OSBPL8: variants seen among roughly 807,000 people sequenced by gnomAD.
The protein encoded by OSBPL8 is oxysterol-binding protein-related protein 8.
A neutral mutation model predicts 125.5 loss-of-function variants in OSBPL8; 59 were observed. The ratio of observed to expected loss-of-function variants is 0.47; its 90% CI spans 0.38 to 0.58. The LOEUF is 0.58. Among genes scored for constraint, OSBPL8 ranks in the 20% least tolerant of loss-of-function variants. The pLI, the probability that OSBPL8 is intolerant of heterozygous loss-of-function variation, is 0.00. For synonymous variants in OSBPL8, 330 were observed against 338.9 expected, an observed-to-expected ratio of 0.97 and a Z score of 0.29; for missense variants, 758 against 1,047.8, an observed-to-expected ratio of 0.72 and a Z score of 3.82.
chr12:76,526,555 A>G (rs1332990648), intron 1 of OSBPL8, among the ~76,000 whole-genome samples: 2 of 150,582 alleles, frequency 1.3e-5, no homozygotes. Flanking sequence ...CAAAAGCTGC[A>G]TATTTTCTAA....
rs60074875 is a variant in OSBPL8 at position 76,424,391 on chromosome 12, T to C, written c.218-13757A>G. Among the ~76,000 whole-genome samples the C allele has an allele frequency of 2.6e-3, 397 of 152,334 alleles. 2 individuals carry two copies. The highest frequency in any genetic ancestry group is 9.2e-3 in the African/African-American group (384 of 41,576). The stretch of plus-strand genomic sequence containing the variant: ...AGAATAAGTTTACCACTAATACCCA[T>C]AACTGCAACAAGTTTGTGGGTTTTA... On this transcript the variant is annotated intron_variant, in intron 4 of 23. Coordinates refer to ENST00000261183, the MANE Select transcript of OSBPL8 (RefSeq NM_020841.5).
chr12:76,389,687 T>C lies in OSBPL8; in HGVS notation c.1310A>G (p.Asp437Gly), dbSNP rs1953476546. The C allele has an allele frequency of 3.7e-6, 6 of 1,602,262 alleles. No homozygotes were observed. The African/African-American group carries it at 4.0e-5, about 11-fold the overall frequency. The part of the protein sequence containing the change: ...TFILEPRSFL[D>G]KLSDYYYHAD... ...ATGATAGTAGTAATCTGAAAGTTTA[T>C]CCAGGAAAGAACGGGGTTCCAAAAT... is the stretch of plus-strand genomic sequence containing the variant. The change falls in exon 12 of 24, where the codon GAT (aspartate) becomes GGT (glycine). Residue 437 changes from aspartate to glycine, a missense_variant. Asp to Gly is a moderately conservative substitution (Grantham distance 94). Coordinates refer to ENST00000261183, the MANE Select transcript of OSBPL8 (RefSeq NM_020841.5).
At chr12:76,393,445 T>C (rs1036352910) in intron 9 of OSBPL8, among the ~76,000 whole-genome samples, 3 of 152,124 alleles carry the variant, frequency 2.0e-5, no homozygotes, top group Non-Finnish European at 4.4e-5. Flanking sequence ...GCGCGGTGGC[T>C]CACGCCCGTA....
intron 1 of OSBPL8, among the ~76,000 whole-genome samples, chr12:76,530,463 T>C (rs1027611870): frequency 2.0e-5 from 3 of 152,156 alleles, no homozygotes; most frequent in Non-Finnish European, 4.4e-5. Context: ...TTTTATCAAA[T>C]AGATCTTCCC....
chr12:76,405,988 T>G (rs1954247238), intron 5 of OSBPL8, among the ~76,000 whole-genome samples: 1 of 152,196 alleles, frequency 6.6e-6, no homozygotes, highest in African/African-American at 2.4e-5. Context: ...TTTGAGAAGT[T>G]AATTTAACCT....
At chr12:76,482,484 A>G (rs1405145642) in intron 2 of OSBPL8, among the ~76,000 whole-genome samples, 1 of 152,084 alleles carries the variant, frequency 6.6e-6, no homozygotes, top group African/African-American at 2.4e-5. Flanking sequence ...GTGGTGGCGC[A>G]TGCCTGTAAT....
intron 1 of OSBPL8, among the ~76,000 whole-genome samples, chr12:76,519,748 T>C (rs932292061): frequency 1.3e-5 from 2 of 152,138 alleles, no homozygotes; most frequent in African/African-American, 4.8e-5. Flanking sequence ...GCATATCACA[T>C]GGTGAGTAAG....
At chr12:76,373,542 T>C (rs1952698993) in intron 17 of OSBPL8, 109 bp from the exon 18 acceptor site, 3 of 598,920 alleles carry the variant, frequency 5.0e-6, no homozygotes, top group African/African-American at 1.9e-5. Context: ...TACAGTACTA[T>C]TGAATGCACA....
In OSBPL8 at chr12:76,400,086, G is replaced by A. The variant is rs1015115093; in HGVS notation, c.367-112C>T. ...TATATAGGTAAACCTGTGTCATGGG[G>A]TTTTGTTGTACATATTTTATCATTC... On this transcript the variant is annotated intron_variant, in intron 6 of 23. Transcript: ENST00000261183. The A allele has an allele frequency of 2.3e-5, 17 of 737,310 alleles. No individual in the cohort carries two copies. The African/African-American group carries it at 3.0e-4, about 13-fold the overall frequency. 45.7% of individuals were successfully genotyped at this position (737,310 alleles called of 1,614,324 possible).
chr12:76,401,891 T>C (rs1954065664), intron 6 of OSBPL8, among the ~76,000 whole-genome samples: 1 of 152,146 alleles, frequency 6.6e-6, no homozygotes, highest in Non-Finnish European at 1.5e-5. Flanking sequence ...AATAATGAGG[T>C]CTTATTGTTG....
chr12:76,380,555 C>T (rs984244332), intron 15 of OSBPL8, among the ~76,000 whole-genome samples: 11 of 142,710 alleles, frequency 7.7e-5, no homozygotes, highest in Non-Finnish European at 1.4e-4. Flanking sequence ...AAACCCTCTG[C>T]AAGTATTCAT....
intron 4 of OSBPL8, among the ~76,000 whole-genome samples, chr12:76,436,298 T>C (rs1394950738): frequency 6.6e-6 from 1 of 152,190 alleles, no homozygotes; most frequent in Non-Finnish European, 1.5e-5. Context: ...GAAGCTCTTT[T>C]GGATCCATGG....
At chr12:76,437,847 A>G (rs12814604) in intron 4 of OSBPL8, among the ~76,000 whole-genome samples, 31,573 of 152,086 alleles carry the variant, frequency 0.21, 3,525 homozygotes, top group Non-Finnish European at 0.27. Context: ...AGATAATTTC[A>G]TGTCTCTTAT....
At chr12:76,482,892 C>T (rs1241115778) in intron 2 of OSBPL8, among the ~76,000 whole-genome samples, 1 of 152,186 alleles carries the variant, frequency 6.6e-6, no homozygotes, top group African/African-American at 2.4e-5. Flanking sequence ...TACCTGCCAT[C>T]TAAGACAAAC....
chr12:76,513,280 G>T (rs866620212), intron 1 of OSBPL8, among the ~76,000 whole-genome samples: 1 of 152,114 alleles, frequency 6.6e-6, no homozygotes, highest in Non-Finnish European at 1.5e-5. Context: ...ATTGCACTGT[G>T]GTCCAAGAGC....
chr12:76,364,782 A>C (rs1433146714), intron 21 of OSBPL8, among the ~76,000 whole-genome samples: 4 of 152,320 alleles, frequency 2.6e-5, no homozygotes, highest in African/African-American at 7.2e-5. Context: ...CTTTATAGTA[A>C]GTTTTGAAAT....
At chr12:76,510,435 A>G (rs918997041) in intron 1 of OSBPL8, among the ~76,000 whole-genome samples, 5 of 152,236 alleles carry the variant, frequency 3.3e-5, no homozygotes, top group African/African-American at 1.2e-4. Context: ...AGAAATCATT[A>G]CTATCAAAAT....
intron 5 of OSBPL8, among the ~76,000 whole-genome samples, chr12:76,409,501 T>TA (rs1289232012): frequency 6.6e-6 from 1 of 152,192 alleles, no homozygotes; most frequent in Admixed American, 6.5e-5. Context: ...ACACAGAACT[T>TA]ATGTTAAATA....
At chr12:76,419,002 G>A (rs896093130) in intron 4 of OSBPL8, among the ~76,000 whole-genome samples, 9 of 152,218 alleles carry the variant, frequency 5.9e-5, no homozygotes, top group Non-Finnish European at 8.8e-5. Context: ...TTGGGAGGCT[G>A]AGGCAGGCAG....
Sources: allele counts gnomAD v4.1 joint callset (sites outside exome capture counted in the v4.1 genomes callset), GRCh38; gene constraint gnomAD v4.1.1; transcripts MANE v1.5; gene names NCBI Gene and HGNC (gene_info 2026-07-23, HGNC 2026-07-21).